The following GRIK2 variants were observed in gnomAD, a reference collection of about 807,000 sequenced individuals.
GRIK2 encodes glutamate receptor ionotropic, kainate 2.
GRIK2 carries 32 observed loss-of-function variants against 100.3 expected under a neutral mutation model. That is an observed-to-expected ratio of 0.32 (90% confidence interval 0.24 to 0.43). GRIK2 has a LOEUF of 0.43. GRIK2 is among the 20% of genes least tolerant of loss of function. The pLI, the probability that GRIK2 is intolerant of heterozygous loss-of-function variation, is 1.00. For missense variants in GRIK2, 843 were observed against 1,114.9 expected (o/e 0.76, Z 3.47); for synonymous variants, 417 against 389.4 (o/e 1.07, Z -0.83).
intron 16 of GRIK2, 140 bp downstream of exon 16, chr6:102,055,720 A>G (rs1391432854): frequency 1.7e-5 from 10 of 571,804 alleles, no homozygotes; most frequent in Admixed American, 3.2e-5. Context: ...CATTCATTAC[A>G]TAACAAAATA....
chr6:101,861,523 T>C (rs1006498255), intron 11 of GRIK2, among the ~76,000 whole-genome samples: 2 of 152,112 alleles, frequency 1.3e-5, no homozygotes, highest in African/African-American at 4.8e-5. Flanking sequence ...TATATTAAGA[T>C]TAATTAAACA....
chr6:101,655,311 C>G (rs1225077356), intron 4 of GRIK2, among the ~76,000 whole-genome samples: 5 of 152,124 alleles, frequency 3.3e-5, no homozygotes, highest in Non-Finnish European at 7.4e-5. Context: ...TTCCACCCAT[C>G]ATGTAAATGG....
chr6:102,013,478 G>C (rs973019640), intron 14 of GRIK2, among the ~76,000 whole-genome samples: 9 of 151,828 alleles, frequency 5.9e-5, no homozygotes. Flanking sequence ...ATTTTGAATA[G>C]GAGTGGTGAG....
At chr6:101,642,226 T>C (rs1781306377) in intron 4 of GRIK2, among the ~76,000 whole-genome samples, 1 of 151,870 alleles carries the variant, frequency 6.6e-6, no homozygotes, top group Admixed American at 6.6e-5. Flanking sequence ...TGTATTCAGA[T>C]TTTTAAAATT....
chr6:101,839,771 A>T (rs1219363062), intron 10 of GRIK2, among the ~76,000 whole-genome samples: 1 of 152,204 alleles, frequency 6.6e-6, no homozygotes, highest in Admixed American at 6.5e-5. Context: ...TATCATTTGC[A>T]AATTGGACTT....
chr6:101,760,325 AATTATATATATTT>A (rs1777429519), intron 7 of GRIK2, among the ~76,000 whole-genome samples: 1 of 123,934 alleles, frequency 8.1e-6, no homozygotes, highest in Non-Finnish European at 1.6e-5. Flanking sequence ...ATATATATTT[AATTATATATATTT>A]ATTATATATA....
chr6:101,630,832 C>A (rs546898254), intron 4 of GRIK2, among the ~76,000 whole-genome samples: 1 of 150,754 alleles, frequency 6.6e-6, no homozygotes, highest in South Asian at 2.1e-4. Context: ...GCTTTTACTG[C>A]AAAACACACA....
Position 101,402,417 on chromosome 6 carries a change from C to G in GRIK2, c.115+3025C>G, listed in dbSNP as rs867407277. Among the ~76,000 whole-genome samples, 58 of 152,176 alleles carry G rather than the reference C, an allele frequency of 3.8e-4. 1 individual carries two copies. The highest frequency in any genetic ancestry group is 6.2e-4 in the South Asian group (3 of 4,834). On this transcript the variant is annotated intron_variant, in intron 2 of 16. Coordinates refer to ENST00000369134, the MANE Select transcript of GRIK2 (RefSeq NM_021956.5). Reference sequence around the variant, plus strand: ...GTCCTGTTTCCCCCTTAACCTCCAGCCTCAGCCGACTCCCACTTGGCTGCA... The same window carrying G: ...GTCCTGTTTCCCCCTTAACCTCCAGGCTCAGCCGACTCCCACTTGGCTGCA...
In GRIK2 at chr6:101,831,357, G is replaced by A. The variant is rs185978012; in HGVS notation, c.1317+12874G>A. ...CTTGAAAACATTGAGTTGTACTGAT[G>A]GTAGCTTCGAGGCTTCTTTTCTTGT... On this transcript the variant is annotated intron_variant, in intron 10 of 16. Coordinates refer to ENST00000369134, the MANE Select transcript of GRIK2 (RefSeq NM_021956.5). Among the ~76,000 whole-genome samples, 152 of 152,114 alleles carry A rather than the reference G, an allele frequency of 1.0e-3. 2 individuals are homozygous for A. The highest frequency in any genetic ancestry group is 3.3e-3 in the African/African-American group (138 of 41,526).
At chr6:101,921,494 A>G (rs937090538) in intron 12 of GRIK2, among the ~76,000 whole-genome samples, 2 of 152,094 alleles carry the variant, frequency 1.3e-5, no homozygotes, top group African/African-American at 2.4e-5. Flanking sequence ...AAAGAGTTGG[A>G]AGATGAGGAC....
At chr6:101,837,493 T>A (rs1188877852) in intron 10 of GRIK2, among the ~76,000 whole-genome samples, 1 of 152,180 alleles carries the variant, frequency 6.6e-6, no homozygotes, top group East Asian at 1.9e-4. Flanking sequence ...ATACCAAACA[T>A]TGTTTCATAA....
chr6:101,415,772 A>T (rs1467949843), intron 2 of GRIK2, among the ~76,000 whole-genome samples: 1 of 152,156 alleles, frequency 6.6e-6, no homozygotes, highest in East Asian at 1.9e-4. Flanking sequence ...AATCATATAT[A>T]CCTGAATTTG....
intron 4 of GRIK2, among the ~76,000 whole-genome samples, chr6:101,658,856 C>T (rs1036199500): frequency 6.6e-6 from 1 of 152,106 alleles, no homozygotes. Flanking sequence ...ATCCTTTGCC[C>T]ATTTTTTGAT....
rs184638727 is a variant in GRIK2, at chr6:101,659,759, G to A, written c.542-16864G>A. On this transcript the variant is annotated intron_variant, in intron 4 of 16. Coordinates refer to ENST00000369134, the MANE Select transcript of GRIK2 (RefSeq NM_021956.5). ...TAGTTTGGCTGGATATGAAATTCTG[G>A]ATGAAAATTCTTTTCTTTAAGAATG... Among the ~76,000 whole-genome samples the A allele has an allele frequency of 2.6e-3, 397 of 152,232 alleles. 4 individuals are homozygous for A. The highest frequency in any genetic ancestry group is 4.3e-3 in the Non-Finnish European group (294 of 68,024).
rs1562457879 is a variant in GRIK2 at position 101,876,498 on chromosome 6, CACA to C, written c.1525-13141_1525-13139del. ...AAACAAAAACAAACACACACACACA[CACA>C]CACACACACACACACACAAAACCTC... On this transcript the variant is annotated intron_variant, in intron 11 of 16. Transcript: ENST00000369134. Among the ~76,000 whole-genome samples the C allele has an allele frequency of 4.7e-4, 71 of 151,674 alleles. 1 individual carries two copies. The East Asian group carries it at 0.013, about 29-fold the overall frequency.
chr6:101,907,645 CA>C (rs141186310), intron 12 of GRIK2, among the ~76,000 whole-genome samples: 6,731 of 151,638 alleles, frequency 0.044, 201 homozygotes, highest in Middle Eastern at 0.068. Flanking sequence ...TCGTAGCTAA[CA>C]TTGGGTTTTG....
At chr6:101,464,470 T>G (rs891015434) in intron 2 of GRIK2, among the ~76,000 whole-genome samples, 11 of 151,256 alleles carry the variant, frequency 7.3e-5, no homozygotes, top group Admixed American at 3.3e-4. Context: ...TGTGCTTCAT[T>G]ATAATTTTTA....
intron 2 of GRIK2, among the ~76,000 whole-genome samples, chr6:101,575,099 C>G (rs555124843): frequency 3.3e-5 from 5 of 151,434 alleles, no homozygotes; most frequent in African/African-American, 9.7e-5. Flanking sequence ...AATTTTATTG[C>G]CTCTTACCTG....
chr6:101,701,052 T>C (rs575025296), intron 7 of GRIK2, among the ~76,000 whole-genome samples: 9 of 152,064 alleles, frequency 5.9e-5, no homozygotes, highest in Non-Finnish European at 1.3e-4. Context: ...AAATTTGAGA[T>C]GATGGTAATA....
Sources: allele counts gnomAD v4.1 joint callset (sites outside exome capture counted in the v4.1 genomes callset), GRCh38; gene constraint gnomAD v4.1.1; transcripts MANE v1.5; gene names NCBI Gene and HGNC (gene_info 2026-07-23, HGNC 2026-07-21).